DEAF1: variants seen among roughly 807,000 people sequenced by gnomAD.
The protein encoded by DEAF1 is deformed epidermal autoregulatory factor 1 homolog.
In DEAF1, 53 loss-of-function variants were observed where a neutral mutation model predicts 58.9. The observed-to-expected ratio is 0.90, with a 90% CI of 0.72 to 1.13. The LOEUF (loss-of-function observed/expected upper bound fraction) is 1.13. DEAF1 is among the 50% of genes most tolerant of loss of function. The pLI, the probability that DEAF1 is intolerant of heterozygous loss-of-function variation, is 0.00. For synonymous variants in DEAF1, 385 were observed against 340.4 expected (o/e 1.13, Z -1.44); for missense variants, 685 against 791.4 (o/e 0.87, Z 1.61).
At chr11:704,832 A>C in intron 1 of DEAF1, 2 of 377,328 alleles carry the variant, frequency 5.3e-6, no homozygotes, top group Non-Finnish European at 1.0e-5. Context: ...GTGGAGAGGG[A>C]CCCCACCCCC....
At chr11:667,294 C>A (rs557894314) in intron 10 of DEAF1, among the ~76,000 whole-genome samples, 28 of 146,294 alleles carry the variant, frequency 1.9e-4, no homozygotes, top group African/African-American at 7.0e-4. Flanking sequence ...TTCTTAGCCT[C>A]GGTGACAGAC....
rs531582615 is a variant in DEAF1, at chr11:693,975, C to A, written c.289+784G>T. Among the ~76,000 whole-genome samples the A allele has an allele frequency of 7.9e-3, 1,208 of 152,288 alleles. 15 individuals carry two copies. Among genetic ancestry groups the A allele is most frequent in the African/African-American group, 0.028 (1,148 of 41,556 alleles). ...CAGGTGGCTCCGCAGCCCCCCTGGG[C>A]CACCACACAGCCACGCTGACCTCTG... On this transcript the variant is annotated intron_variant, in intron 1 of 11. Coordinates refer to ENST00000382409, the MANE Select transcript of DEAF1 (RefSeq NM_021008.4).
intron 10 of DEAF1, among the ~76,000 whole-genome samples, chr11:655,048 A>AAAAC (rs202011316): frequency 0.055 from 8,274 of 151,138 alleles, 353 homozygotes; most frequent in South Asian, 0.15. Context: ...GACTGTCTCC[A>AAAAC]AAACAAACAA....
intron 1 of DEAF1, chr11:703,082 A>G: frequency 6.2e-7 from 1 of 1,612,474 alleles, no homozygotes; most frequent in Non-Finnish European, 8.5e-7. Flanking sequence ...CCTCAGCGCC[A>G]CGCTCCTGGC....
rs397711603 is a variant in DEAF1 at position 684,138 on chromosome 11, T to TG, written c.870+759dup. 2.6e-5 allele frequency among the ~76,000 whole-genome samples: 4 copies of TG among 151,600 alleles called. No individual in the cohort carries two copies. In the East Asian group the frequency reaches 7.7e-4, roughly 29 times the overall value. On this transcript the variant is annotated intron_variant, in intron 6 of 11. Transcript: ENST00000382409. Reference sequence around the variant, plus strand: ...TCTCCATGCTCTTTTTTTTTTTTTTTGAGGTGCAGTGGCTCACGCCTGTAA... The same window carrying TG: ...TCTCCATGCTCTTTTTTTTTTTTTTTGGAGGTGCAGTGGCTCACGCCTGTAA...
At chr11:702,274 G>A (rs1317182097) in intron 1 of DEAF1, among the ~76,000 whole-genome samples, 2 of 152,226 alleles carry the variant, frequency 1.3e-5, no homozygotes. Context: ...TCTAGAGCTT[G>A]CCCCCCAGGG....
intron 10 of DEAF1, among the ~76,000 whole-genome samples, chr11:665,633 G>A (rs1007524191): frequency 2.0e-5 from 3 of 152,200 alleles, no homozygotes; most frequent in Non-Finnish European, 4.4e-5. Context: ...AAAATTCAAA[G>A]CCCAGCCTTT....
intron 9 of DEAF1, among the ~76,000 whole-genome samples, chr11:675,079 G>A (rs1471971930): frequency 6.6e-6 from 1 of 152,146 alleles, no homozygotes; most frequent in East Asian, 1.9e-4. Flanking sequence ...AGCTACCTCG[G>A]GAGGCTGAGG....
intron 10 of DEAF1, among the ~76,000 whole-genome samples, chr11:665,440 C>A (rs1436648086): frequency 6.6e-6 from 1 of 152,206 alleles, no homozygotes; most frequent in East Asian, 1.9e-4. Flanking sequence ...CACTTCCTGA[C>A]ATTTCTTCTA....
chr11:657,736 G>A (rs1589979327), intron 10 of DEAF1, among the ~76,000 whole-genome samples: 1 of 152,190 alleles, frequency 6.6e-6, no homozygotes. Flanking sequence ...GAAACCTGTC[G>A]TCCACCCCCA....
chr11:662,072 G>A (rs553221949), intron 10 of DEAF1, among the ~76,000 whole-genome samples: 6 of 152,176 alleles, frequency 3.9e-5, no homozygotes, highest in South Asian at 2.1e-4. Context: ...CGAGGTGGGC[G>A]GATCACCTGA....
chr11:694,866 GGCGTCTCCCGCTCCGCCTC>G lies in DEAF1; in HGVS notation c.163_181del (p.Glu55ArgfsTer8). 1 of 1,500,856 alleles carries G rather than the reference GGCGTCTCCCGCTCCGCCTC, an allele frequency of 6.7e-7. No individual in the cohort carries two copies. Among genetic ancestry groups the G allele is most frequent in the Non-Finnish European group, 8.8e-7 (1 of 1,130,132 alleles). 93.0% of individuals were successfully genotyped at this position (1,500,856 alleles called of 1,614,324 possible). On this transcript the variant is annotated frameshift_variant, in exon 1 of 12. Transcript: ENST00000382409. LOFTEE classifies it high-confidence loss of function. ...CATCACCGCCACTGCCGTGACCCGC[GGCGTCTCCCGCTCCGCCTC>G]CGAGTCTGCGTCCTCCTCCGAGTCC...
intron 10 of DEAF1, among the ~76,000 whole-genome samples, chr11:665,395 C>T (rs957973055): frequency 2.0e-5 from 3 of 152,192 alleles, no homozygotes; most frequent in African/African-American, 7.2e-5. Flanking sequence ...ACGTCCGATA[C>T]ACAGCTTTAG....
intron 6 of DEAF1, among the ~76,000 whole-genome samples, chr11:683,925 G>C (rs371170230): frequency 2.0e-5 from 3 of 152,132 alleles, no homozygotes; most frequent in East Asian, 1.9e-4. Flanking sequence ...CAATGGGACC[G>C]ACGTCTCCTC....
chr11:665,555 A>C (rs1012202524), intron 10 of DEAF1, among the ~76,000 whole-genome samples: 2 of 152,214 alleles, frequency 1.3e-5, no homozygotes, highest in Non-Finnish European at 2.9e-5. Flanking sequence ...CTGTCTACCA[A>C]ACGGGATTTT....
Position 663,050 on chromosome 11 carries a change from C to T in DEAF1, c.1504-8999G>A, listed in dbSNP as rs144890797. Among the ~76,000 whole-genome samples the T allele has an allele frequency of 2.5e-3, 380 of 152,338 alleles. 2 individuals carry two copies. Among genetic ancestry groups the T allele is most frequent in the East Asian group, 7.7e-3 (40 of 5,188 alleles). Reference sequence around the variant, plus strand: ...CCTGGGGGCCAGAAGCAGGGGCTCACGCCTAGAGTCCCAGCACTCTGGGAG... The same window carrying T: ...CCTGGGGGCCAGAAGCAGGGGCTCATGCCTAGAGTCCCAGCACTCTGGGAG... On this transcript the variant is annotated intron_variant, in intron 10 of 11. Transcript: ENST00000382409.
intron 7 of DEAF1, 55 bp from the exon 8 acceptor site, chr11:679,871 A>AGGTCC: frequency 6.2e-7 from 1 of 1,606,234 alleles, no homozygotes; most frequent in Non-Finnish European, 8.5e-7. Flanking sequence ...CACGGCACAC[A>AGGTCC]GGTCCCGTGC....
intron 7 of DEAF1, among the ~76,000 whole-genome samples, chr11:680,749 C>G (rs773353529): frequency 6.6e-6 from 1 of 152,200 alleles, no homozygotes; most frequent in Non-Finnish European, 1.5e-5. Flanking sequence ...CAACAGTGTC[C>G]GGGTCCCAGG....
intron 11 of DEAF1, among the ~76,000 whole-genome samples, chr11:649,814 TCAGGAGTTCGAGACCA>T (rs1858678536): frequency 6.6e-6 from 1 of 151,774 alleles, no homozygotes; most frequent in Non-Finnish European, 1.5e-5. Context: ...TCACCTGAGG[TCAGGAGTTCGAGACCA>T]GCCTTGCCAA....
Sources: gnomAD v4.1 joint callset for allele counts (sites outside exome capture counted in the v4.1 genomes callset) on GRCh38, gnomAD v4.1.1 for gene constraint, MANE v1.5 for transcripts, NCBI Gene and HGNC (gene_info 2026-07-23, HGNC 2026-07-21) for gene names.